CLEC1A: variants seen among roughly 807,000 people sequenced by gnomAD.
CLEC1A encodes the protein C-type lectin domain family 1 member A.
CLEC1A carries 34 observed loss-of-function variants against 28.7 expected under a neutral mutation model. That is an observed-to-expected ratio of 1.18 (90% CI 0.90 to 1.57). The LOEUF is 1.57. Ranked by LOEUF, CLEC1A falls within the 40% of genes most tolerant of loss-of-function variation. The probability of loss-of-function intolerance (pLI) is 0.00; values close to 1 mark genes in which losing one functional copy is unlikely to be tolerated. For missense variants in CLEC1A, 385 were observed against 339.5 expected, an observed-to-expected ratio of 1.13 and a Z score of -1.05; for synonymous variants, 116 against 121.0, an observed-to-expected ratio of 0.96 and a Z score of 0.27.
At chr12:10,083,788 A>G (rs886070157) in intron 2 of CLEC1A, among the ~76,000 whole-genome samples, 3 of 152,204 alleles carry the variant, frequency 2.0e-5, no homozygotes. Context: ...AAATTTTAAA[A>G]AACAATATAG....
intron 2 of CLEC1A, among the ~76,000 whole-genome samples, chr12:10,083,542 C>A (rs1173806173): frequency 6.6e-6 from 1 of 152,190 alleles, no homozygotes; most frequent in African/African-American, 2.4e-5. Flanking sequence ...GATCTTGGCT[C>A]ACTGCAACCT....
At chr12:10,081,177 G>A (rs1439186642) in intron 3 of CLEC1A, 60 bp downstream of exon 3, 74 of 1,392,486 alleles carry the variant, frequency 5.3e-5, no homozygotes, top group African/African-American at 1.6e-4. Flanking sequence ...TTTCACCGGC[G>A]GGAAATCCAT....
intron 1 of CLEC1A, among the ~76,000 whole-genome samples, chr12:10,093,898 G>A (rs555937983): frequency 5.1e-4 from 78 of 152,116 alleles, no homozygotes; most frequent in African/African-American, 1.8e-3. Flanking sequence ...CTGAGTTCAC[G>A]GGTTGAGTCT....
chr12:10,087,044 A>G (rs1265284297), intron 2 of CLEC1A, among the ~76,000 whole-genome samples: 1 of 151,896 alleles, frequency 6.6e-6, no homozygotes, highest in Non-Finnish European at 1.5e-5. Context: ...CGTCTCTACT[A>G]AAAACACAAA....
At chr12:10,095,215 C>T (rs185326069) in intron 1 of CLEC1A, among the ~76,000 whole-genome samples, 1 of 152,226 alleles carries the variant, frequency 6.6e-6, no homozygotes, top group Admixed American at 6.5e-5. Flanking sequence ...GGAAATAAAA[C>T]TAAAACGCTG....
intron 1 of CLEC1A, among the ~76,000 whole-genome samples, chr12:10,097,697 T>C (rs1165952483): frequency 6.6e-6 from 1 of 152,134 alleles, no homozygotes; most frequent in Non-Finnish European, 1.5e-5. Context: ...AGTTCCTGGC[T>C]CCAGTCAAAG....
In CLEC1A at chr12:10,086,367, GA is replaced by G. The variant is rs139897740; in HGVS notation, c.214+2756del. Among the ~76,000 whole-genome samples, 334 of 121,260 alleles carry G rather than the reference GA, an allele frequency of 2.8e-3. 1 individual carries two copies. The highest frequency in any genetic ancestry group is 8.3e-3 in the Middle Eastern group (2 of 240). The allele number at this position is 121,260 out of a possible 152,430, so 79.6% of individuals were successfully genotyped here. A position where few individuals can be genotyped will look rare whatever the true frequency, so the allele number is the denominator to read the frequency against. ...GAGAAGAACTAAATGATATTGAAAT[GA>G]AAAAAAAAAAAGAAATACAAAAGAT... is the stretch of plus-strand genomic sequence containing the variant. On this transcript the variant is annotated intron_variant, in intron 2 of 5. Transcript: ENST00000315330.
In CLEC1A at chr12:10,071,159, G is replaced by T. The variant is rs983365392; in HGVS notation, c.*174C>A. The T allele has an allele frequency of 6.5e-5, 36 of 556,152 alleles. No individual in the cohort carries two copies. Among genetic ancestry groups the T allele is most frequent in the Admixed American group, 1.0e-4 (3 of 29,678 alleles). 34.5% of individuals were successfully genotyped at this position (556,152 alleles called of 1,614,324 possible). A position where few individuals can be genotyped will look rare whatever the true frequency, so the allele number is the denominator to read the frequency against. ...GACTTCTTGTGACTGTTAAATACGT[G>T]CATAAACCCAAGCTCAGAAATGCTG... is the stretch of plus-strand genomic sequence containing the variant. On this transcript the variant is annotated 3_prime_UTR_variant, in exon 6 of 6. Coordinates refer to ENST00000315330, the MANE Select transcript of CLEC1A (RefSeq NM_016511.4).
chr12:10,094,566 C>T (rs1947752375), intron 1 of CLEC1A, among the ~76,000 whole-genome samples: 2 of 151,804 alleles, frequency 1.3e-5, no homozygotes, highest in African/African-American at 4.8e-5. Flanking sequence ...ACCAAGGAGT[C>T]ACTTAAGTTG....
At chr12:10,082,207 T>A (rs991231568) in intron 2 of CLEC1A, among the ~76,000 whole-genome samples, 1 of 152,120 alleles carries the variant, frequency 6.6e-6, no homozygotes, top group Non-Finnish European at 1.5e-5. Context: ...ACAGGAACTG[T>A]GACAGATGGT....
intron 4 of CLEC1A, among the ~76,000 whole-genome samples, chr12:10,073,720 A>G (rs185484671): frequency 8.5e-5 from 13 of 152,336 alleles, no homozygotes; most frequent in Non-Finnish European, 1.5e-4. Flanking sequence ...TGTTGACATA[A>G]AAATATGAGG....
chr12:10,087,466 T>C (rs1866518602), intron 2 of CLEC1A, among the ~76,000 whole-genome samples: 1 of 107,792 alleles, frequency 9.3e-6, no homozygotes, highest in Admixed American at 1.2e-4. Flanking sequence ...AGGACATACC[T>C]CAAAGTTATA....
rs187240656 is a variant in CLEC1A at position 10,075,087 on chromosome 12, C to T, written c.543+417G>A. On this transcript the variant is annotated intron_variant, in intron 4 of 5. Transcript: ENST00000315330. The stretch of plus-strand genomic sequence containing the variant: ...GTAAACTTCTGGAAAGCAAGATATA[C>T]ATTTGCAGATTATGGTAAAAACTTA... Among the ~76,000 whole-genome samples the T allele has an allele frequency of 2.3e-3, 349 of 152,310 alleles. 1 individual carries two copies. The highest frequency in any genetic ancestry group is 3.1e-3 in the Non-Finnish European group (209 of 68,016).
intron 1 of CLEC1A, among the ~76,000 whole-genome samples, chr12:10,096,819 T>C (rs1947783355): frequency 6.6e-6 from 1 of 152,162 alleles, no homozygotes; most frequent in South Asian, 2.1e-4. Context: ...TTCCTTATTA[T>C]GTGGAAGATG....
intron 2 of CLEC1A, among the ~76,000 whole-genome samples, chr12:10,081,779 G>C (rs1232495215): frequency 6.6e-6 from 1 of 151,496 alleles, no homozygotes; most frequent in Non-Finnish European, 1.5e-5. Flanking sequence ...TCCTTTGAAA[G>C]AAGCAACTCA....
Position 10,075,639 on chromosome 12 carries a change from AGGGCT to A in CLEC1A, c.403_407del (p.Ser135LeufsTer17), listed in dbSNP as rs1370979635. 5 of 1,613,688 alleles carry A rather than the reference AGGGCT, an allele frequency of 3.1e-6. No individual in the cohort carries two copies. Among genetic ancestry groups the A allele is most frequent in the Middle Eastern group, 1.6e-4 (1 of 6,082 alleles). ...CATGCCATTTCCATTGTTCTGTACA[AGGGCT>A]GCACCTGTGTGCTTGGAAAAAAGCC... On this transcript the variant is annotated frameshift_variant, in exon 4 of 6. Transcript: ENST00000315330. LOFTEE classifies it high-confidence loss of function.
In CLEC1A at chr12:10,069,907, T is replaced by C. The variant is rs1447121157; in HGVS notation, c.*1426A>G. 2.0e-5 allele frequency: 3 copies of C among 152,254 alleles called. No homozygotes were observed. Among genetic ancestry groups the C allele is most frequent in the Admixed American group, 1.3e-4 (2 of 15,288 alleles). 9.4% of individuals were successfully genotyped at this position (152,254 alleles called of 1,614,324 possible). On this transcript the variant is annotated 3_prime_UTR_variant, in exon 6 of 6. Coordinates refer to ENST00000315330, the MANE Select transcript of CLEC1A (RefSeq NM_016511.4). Reference sequence around the variant, plus strand: ...TGTGTTCTTTCTATCATATGATTGCTACTATACGTCATTTTACCATGAGAT... The same window carrying C: ...TGTGTTCTTTCTATCATATGATTGCCACTATACGTCATTTTACCATGAGAT...
chr12:10,093,498 T>C (rs1947736371), intron 1 of CLEC1A, among the ~76,000 whole-genome samples: 1 of 151,274 alleles, frequency 6.6e-6, no homozygotes, highest in African/African-American at 2.4e-5. Flanking sequence ...GGGTGGAGAG[T>C]TGTCAGACTT....
rs749610968 is a variant in CLEC1A at position 10,073,297 on chromosome 12, C to T, written c.658G>A (p.Glu220Lys). The T allele has an allele frequency of 1.2e-6, 2 of 1,606,954 alleles. No individual in the cohort carries two copies. The highest frequency in any genetic ancestry group is 1.7e-6 in the Non-Finnish European group (2 of 1,173,582). ...TAAAATATCCTGAAGGCTTACAGTTCAGAAGTGAAAGGGGTTCCATCCATC... is the reference window on the plus strand; with the variant it reads ...TAAAATATCCTGAAGGCTTACAGTTTAGAAGTGAAAGGGGTTCCATCCATC... ...LWMDGTPFTS[E>K]LFHIIIDVTS... is the part of the protein sequence containing the mutation. The change falls in exon 5 of 6, where the codon GAA (glutamate) becomes AAA (lysine). Residue 220 changes from glutamate to lysine, a missense_variant. Transcript: ENST00000315330.
Sources: gnomAD v4.1 joint callset for allele counts (sites outside exome capture counted in the v4.1 genomes callset) on GRCh38, gnomAD v4.1.1 for gene constraint, MANE v1.5 for transcripts, NCBI Gene and HGNC (gene_info 2026-07-23, HGNC 2026-07-21) for gene names.